Variants in LRCH1 observed in about 807,000 individuals in gnomAD.
The protein encoded by LRCH1 is leucine rich repeats and calponin homology domain containing 1.
A neutral mutation model predicts 94.9 loss-of-function variants in LRCH1; 23 were observed. That is an observed-to-expected ratio of 0.24 (90% confidence interval 0.17 to 0.34). The LOEUF (loss-of-function observed/expected upper bound fraction) is 0.34. Among genes scored for constraint, LRCH1 ranks in the 10% least tolerant of loss-of-function variants. The pLI, the probability that LRCH1 is intolerant of heterozygous loss-of-function variation, is 1.00. For synonymous variants in LRCH1, 364 were observed against 354.9 expected (o/e 1.03, Z -0.29); for missense variants, 790 against 945.9 (o/e 0.84, Z 2.16).
At chr13:46,564,917 T>C (rs1427813630) in intron 1 of LRCH1, among the ~76,000 whole-genome samples, 1 of 152,156 alleles carries the variant, frequency 6.6e-6, no homozygotes, top group Non-Finnish European at 1.5e-5. Flanking sequence ...TTAATTTCCA[T>C]GGGGCTATGT....
Position 46,744,832 on chromosome 13 carries a change from T to C in LRCH1, c.*2984T>C, listed in dbSNP as rs1353771059. The C allele has an allele frequency of 1.0e-6, 1 of 983,490 alleles. No individual in the cohort carries two copies. Among genetic ancestry groups the C allele is most frequent in the Non-Finnish European group, 1.2e-6 (1 of 828,300 alleles). 60.9% of individuals were successfully genotyped at this position (983,490 alleles called of 1,614,324 possible). ...TTAATATGATTTTATTTCAGGAGAC[T>C]TGATTTTTAAAAATTAGGCTTCGTA... On this transcript the variant is annotated 3_prime_UTR_variant, in exon 20 of 20. Transcript: ENST00000389797.
At position 46,712,564 on chromosome 13, in the gene LRCH1, A is replaced by G; in HGVS notation, c.1621A>G (p.Ser541Gly). The G allele has an allele frequency of 6.2e-7, 1 of 1,614,020 alleles. No homozygotes were observed. The highest frequency in any genetic ancestry group is 2.2e-5 in the East Asian group (1 of 44,878). The part of the protein sequence containing the change: ...NSPAVSPTTN[S>G]TAPFGLKPRS... ...CCCTGCAGTCTCTCCTACCACAAAC[A>G]GCACAGCTCCATTTGGCCTGAAGCC... The change falls in exon 15 of 20, where the codon AGC (serine) becomes GGC (glycine). Residue 541 changes from serine to glycine, a missense_variant. By Grantham distance (56) the Ser-to-Gly change is moderately conservative. This residue lies in a region of LRCH1 where 460 missense variants were observed against 508.9 expected (regional missense o/e 0.90). Coordinates refer to ENST00000389797, the MANE Select transcript of LRCH1 (RefSeq NM_001164211.2).
intron 1 of LRCH1, among the ~76,000 whole-genome samples, chr13:46,608,110 G>A (rs552923843): frequency 6.6e-6 from 1 of 152,296 alleles, no homozygotes; most frequent in South Asian, 2.1e-4. Flanking sequence ...TTTGTGAAGG[G>A]CATCATAGGT....
At chr13:46,573,866 A>ATATATATATATATTT in intron 1 of LRCH1, among the ~76,000 whole-genome samples, 11 of 63,392 alleles carry the variant, frequency 1.7e-4, no homozygotes, top group African/African-American at 5.7e-4. Context: ...ATATATATAT[A>ATATATATATATATTT]TTTTTTTTTT....
Position 46,553,209 on chromosome 13 carries a change from C to G in LRCH1, c.-188C>G, listed in dbSNP as rs1432931042. The G allele has an allele frequency of 3.5e-6, 2 of 571,032 alleles. No homozygotes were observed. The highest frequency in any genetic ancestry group is 6.1e-6 in the Non-Finnish European group (2 of 325,486). The allele number at this position is 571,032 out of a possible 1,614,324, so 35.4% of individuals were successfully genotyped here. Reference sequence around the variant, plus strand: ...CCCGGGGACAGGAAACCTTCAAGACCGAGCTGCCACGGCCGCCTCCCCGCC... The same window carrying G: ...CCCGGGGACAGGAAACCTTCAAGACGGAGCTGCCACGGCCGCCTCCCCGCC... On this transcript the variant is annotated 5_prime_UTR_variant, in exon 1 of 20. Coordinates refer to ENST00000389797, the MANE Select transcript of LRCH1 (RefSeq NM_001164211.2).
chr13:46,694,858 A>G (rs1230107263), intron 8 of LRCH1, 35 bp from the exon 9 acceptor site: 2 of 1,612,160 alleles, frequency 1.2e-6, no homozygotes, highest in African/African-American at 2.7e-5. Context: ...TGTTCATGAA[A>G]TCATGCTTTC....
At chr13:46,670,476 A>G (rs906693538) in intron 3 of LRCH1, among the ~76,000 whole-genome samples, 1 of 152,212 alleles carries the variant, frequency 6.6e-6, no homozygotes, top group African/African-American at 2.4e-5. Context: ...CAAGAGACCT[A>G]CTAGCATCTC....
chr13:46,637,418 G>A (rs1261542303), intron 1 of LRCH1, among the ~76,000 whole-genome samples: 1 of 152,196 alleles, frequency 6.6e-6, no homozygotes, highest in South Asian at 2.1e-4. Context: ...TACAGTGGCC[G>A]AAAGCTCTAT....
intron 3 of LRCH1, among the ~76,000 whole-genome samples, chr13:46,671,610 G>C (rs7984083): frequency 3.3e-5 from 5 of 152,026 alleles, no homozygotes; most frequent in Admixed American, 1.3e-4. Flanking sequence ...AATTTCCTAG[G>C]TGAAAGCTTT....
At chr13:46,687,320 T>C (rs1266594915) in intron 5 of LRCH1, among the ~76,000 whole-genome samples, 3 of 152,238 alleles carry the variant, frequency 2.0e-5, no homozygotes, top group African/African-American at 7.2e-5. Context: ...AACATGGTTA[T>C]TGATTATTTA....
At chr13:46,616,208 A>G (rs1004774414) in intron 1 of LRCH1, among the ~76,000 whole-genome samples, 1 of 152,206 alleles carries the variant, frequency 6.6e-6, no homozygotes. Context: ...TGAAGTCAGT[A>G]CTTTCTCTTC....
rs142327156 is a variant in LRCH1, at chr13:46,598,221, A to G, written c.307+44518A>G. On this transcript the variant is annotated intron_variant, in intron 1 of 19. Transcript: ENST00000389797. ...AGGCATTTTCTGAGTAAATTGGCAT[A>G]CAGCGTATGTACTCTTTCCTCTAGA... is the stretch of plus-strand genomic sequence containing the variant. 2.1e-3 allele frequency among the ~76,000 whole-genome samples: 321 copies of G among 152,332 alleles called. 1 individual carries two copies. Among genetic ancestry groups the G allele is most frequent in the African/African-American group, 7.5e-3 (313 of 41,580 alleles).
chr13:46,606,418 A>T (rs1182699141), intron 1 of LRCH1, among the ~76,000 whole-genome samples: 1 of 152,016 alleles, frequency 6.6e-6, no homozygotes, highest in East Asian at 1.9e-4. Flanking sequence ...ATCCTTCCTC[A>T]TTGTCAGTTG....
intron 17 of LRCH1, among the ~76,000 whole-genome samples, chr13:46,726,601 C>T (rs533573649): frequency 2.6e-5 from 4 of 152,180 alleles, no homozygotes; most frequent in Non-Finnish European, 5.9e-5. Flanking sequence ...GACTTCTCCC[C>T]TTGCTGGGGT....
chr13:46,605,976 A>G (rs2050682337), intron 1 of LRCH1, among the ~76,000 whole-genome samples: 1 of 152,176 alleles, frequency 6.6e-6, no homozygotes, highest in Non-Finnish European at 1.5e-5. Flanking sequence ...AGAGACATGA[A>G]GTGACTTCTC....
chr13:46,642,862 T>C (rs1426454507), intron 1 of LRCH1, among the ~76,000 whole-genome samples: 2 of 152,172 alleles, frequency 1.3e-5, no homozygotes, highest in Non-Finnish European at 2.9e-5. Flanking sequence ...AGAATCCTGA[T>C]GTCCAAGCCA....
chr13:46,582,009 G>A lies in LRCH1; in HGVS notation c.307+28306G>A, dbSNP rs538779160. Reference sequence around the variant, plus strand: ...TACTAAAAATTCAAAAATTAGCCGGGCGTGCTGGTGTGTGCCTGTAGTCCC... The same window carrying A: ...TACTAAAAATTCAAAAATTAGCCGGACGTGCTGGTGTGTGCCTGTAGTCCC... On this transcript the variant is annotated intron_variant, in intron 1 of 19. Coordinates refer to ENST00000389797, the MANE Select transcript of LRCH1 (RefSeq NM_001164211.2). Among the ~76,000 whole-genome samples the A allele has an allele frequency of 3.9e-5, 6 of 152,226 alleles. No homozygotes were observed. The East Asian group carries it at 7.7e-4, about 20-fold the overall frequency.
intron 1 of LRCH1, among the ~76,000 whole-genome samples, chr13:46,574,821 G>GTTTT (rs1566151493): frequency 8.2e-5 from 11 of 134,510 alleles, no homozygotes; most frequent in African/African-American, 3.2e-4. Flanking sequence ...TTGTGTGTGG[G>GTTTT]GTTTTTTTTT....
chr13:46,601,952 G>A (rs1417846680), intron 1 of LRCH1, among the ~76,000 whole-genome samples: 1 of 152,170 alleles, frequency 6.6e-6, no homozygotes, highest in Non-Finnish European at 1.5e-5. Flanking sequence ...TTAATAGCCT[G>A]TGTTCAGTAG....
Sources: allele counts gnomAD v4.1 joint callset (sites outside exome capture counted in the v4.1 genomes callset), GRCh38; gene constraint gnomAD v4.1.1; regional missense constraint gnomAD v4.1.1; transcripts MANE v1.5; gene names NCBI Gene and HGNC (gene_info 2026-07-23, HGNC 2026-07-21).